The following CSMD1 variants were observed in gnomAD, a reference collection of about 807,000 sequenced individuals.
CSMD1 encodes CUB and Sushi multiple domains 1.
Under a neutral mutation model 417.5 loss-of-function variants are expected in CSMD1, and 213 were observed. The ratio of observed to expected loss-of-function variants is 0.51; its 90% CI spans 0.46 to 0.57. The LOEUF is 0.57. Ranked by LOEUF, CSMD1 falls within the 20% of genes least tolerant of loss-of-function variation. CSMD1 has a pLI of 0.00. For synonymous variants in CSMD1, 2,862 were observed against 1,736.8 expected (o/e 1.65, Z -16.11); for missense variants, 6,923 against 4,529.7 (o/e 1.53, Z -15.17).
chr8:4,708,124 T>C (rs1808067582), intron 1 of CSMD1, among the ~76,000 whole-genome samples: 1 of 128,858 alleles, frequency 7.8e-6, no homozygotes, highest in South Asian at 2.5e-4. Context: ...TTGTATTTTT[T>C]TTTATTTTTT....
intron 6 of CSMD1, among the ~76,000 whole-genome samples, chr8:3,751,322 GTGTGTATATA>G (rs934751336): frequency 6.9e-6 from 1 of 145,924 alleles, no homozygotes; most frequent in Non-Finnish European, 1.5e-5. Flanking sequence ...GTGTGTGTGT[GTGTGTATATA>G]TATATATATA....
intron 1 of CSMD1, among the ~76,000 whole-genome samples, chr8:4,826,022 T>C (rs920352275): frequency 1.3e-5 from 2 of 151,970 alleles, no homozygotes; most frequent in Non-Finnish European, 2.9e-5. Flanking sequence ...TTAGAACCCT[T>C]TTTCACTGTC....
At chr8:4,655,856 G>T (rs1804197513) in intron 1 of CSMD1, among the ~76,000 whole-genome samples, 1 of 152,072 alleles carries the variant, frequency 6.6e-6, no homozygotes, top group Non-Finnish European at 1.5e-5. Flanking sequence ...TACTGAGAAA[G>T]AAAAGAAAAG....
At chr8:3,949,331 C>T (rs991733846) in intron 5 of CSMD1, among the ~76,000 whole-genome samples, 7 of 152,114 alleles carry the variant, frequency 4.6e-5, no homozygotes, top group Admixed American at 1.3e-4. Flanking sequence ...ATGTTGTAGC[C>T]TCTGACCAAG....
At chr8:3,303,630 A>G (rs1411089897) in intron 25 of CSMD1, among the ~76,000 whole-genome samples, 1 of 152,240 alleles carries the variant, frequency 6.6e-6, no homozygotes, top group South Asian at 2.1e-4. Context: ...CAGAAAAGCA[A>G]TTAAAGCTTA....
chr8:3,495,055 T>G (rs1481249763), intron 10 of CSMD1, among the ~76,000 whole-genome samples: 1 of 152,190 alleles, frequency 6.6e-6, no homozygotes, highest in Non-Finnish European at 1.5e-5. Context: ...CCATTATAAT[T>G]TATTTAAAAA....
At chr8:4,020,210 G>A (rs547716099) in intron 4 of CSMD1, among the ~76,000 whole-genome samples, 6 of 152,082 alleles carry the variant, frequency 3.9e-5, no homozygotes, top group Non-Finnish European at 8.8e-5. Flanking sequence ...AAATCTTGAG[G>A]CCAGACAGAT....
intron 5 of CSMD1, among the ~76,000 whole-genome samples, chr8:3,851,760 G>C (rs1008268176): frequency 3.3e-5 from 5 of 152,184 alleles, no homozygotes; most frequent in Non-Finnish European, 5.9e-5. Flanking sequence ...AATGAAGAGG[G>C]AATGTATAAG....
chr8:3,266,829 G>GC (rs1342647489), intron 26 of CSMD1, among the ~76,000 whole-genome samples: 1 of 150,824 alleles, frequency 6.6e-6, no homozygotes, highest in Non-Finnish European at 1.5e-5. Context: ...TGGTTGAGGT[G>GC]CATGGTATTT....
chr8:4,931,158 T>A (rs556405233), intron 1 of CSMD1, among the ~76,000 whole-genome samples: 1 of 152,334 alleles, frequency 6.6e-6, no homozygotes, highest in South Asian at 2.1e-4. Flanking sequence ...TTAATTTGTG[T>A]CTTATATGAA....
At chr8:4,940,091 G>C (rs369814671) in intron 1 of CSMD1, among the ~76,000 whole-genome samples, 1 of 152,160 alleles carries the variant, frequency 6.6e-6, no homozygotes, top group Non-Finnish European at 1.5e-5. Context: ...AGTTGCATGT[G>C]AACTACCGGG....
At chr8:3,125,594 T>G (rs548764242) in intron 41 of CSMD1, among the ~76,000 whole-genome samples, 51 of 152,368 alleles carry the variant, frequency 3.3e-4, no homozygotes, top group Middle Eastern at 3.4e-3. Flanking sequence ...TCACAACTTC[T>G]GCATCCCCAT....
chr8:2,982,986 G>A (rs760549458), intron 54 of CSMD1, among the ~76,000 whole-genome samples: 4 of 152,024 alleles, frequency 2.6e-5, no homozygotes, highest in South Asian at 2.1e-4. Context: ...TGGGCTCTTC[G>A]GGCAGACGAC....
chr8:3,889,494 A>ATATATAT (rs1554475387), intron 5 of CSMD1, among the ~76,000 whole-genome samples: 1,426 of 38,372 alleles, frequency 0.037, 203 homozygotes, highest in Non-Finnish European at 0.049. Context: ...TATATATATA[A>ATATATAT]AATATGCTCA....
intron 3 of CSMD1, among the ~76,000 whole-genome samples, chr8:4,147,283 C>T (rs1804196533): frequency 6.6e-6 from 1 of 152,142 alleles, no homozygotes. Context: ...TGCGTAATTC[C>T]ATACAAAGTT....
intron 5 of CSMD1, among the ~76,000 whole-genome samples, chr8:3,882,807 G>C (rs1806292908): frequency 6.6e-6 from 1 of 152,150 alleles, no homozygotes; most frequent in African/African-American, 2.4e-5. Context: ...GTCATTTACA[G>C]AATGTGTCAA....
At chr8:3,314,785 G>C (rs982847493) in intron 23 of CSMD1, among the ~76,000 whole-genome samples, 7 of 152,180 alleles carry the variant, frequency 4.6e-5, no homozygotes, top group Admixed American at 3.3e-4. Context: ...TATGAGACTT[G>C]CTTTTAGCTT....
chr8:4,463,926 A>T (rs1046036455), intron 2 of CSMD1, among the ~76,000 whole-genome samples: 1 of 152,318 alleles, frequency 6.6e-6, no homozygotes, highest in South Asian at 2.1e-4. Context: ...ATTAAAAGAA[A>T]GCAGCAGCTC....
chr8:3,039,493 C>T (rs1435170630), intron 50 of CSMD1, among the ~76,000 whole-genome samples: 1 of 148,024 alleles, frequency 6.8e-6, no homozygotes, highest in African/African-American at 2.5e-5. Flanking sequence ...TTCCTTCTTT[C>T]AATTCTTCCT....
Sources: gnomAD v4.1 joint callset for allele counts (sites outside exome capture counted in the v4.1 genomes callset) on GRCh38, gnomAD v4.1.1 for gene constraint, MANE v1.5 for transcripts, NCBI Gene and HGNC (gene_info 2026-07-23, HGNC 2026-07-21) for gene names.